The following AFG2A variants were observed in gnomAD, a reference collection of about 807,000 sequenced individuals.
AFG2A encodes the protein ATPase family gene 2 protein homolog A.
At chr4:123,030,085 C>T in the AFG2A span, among the ~76,000 whole-genome samples, 1 of 152,140 alleles carries the variant, frequency 6.6e-6, no homozygotes, top group South Asian at 2.1e-4. Context: ...ACTCTCATCT[C>T]CATTTTTTCT....
At chr4:123,314,780 G>A in the AFG2A span, 1 of 142,524 alleles carries the variant, frequency 7.0e-6, no homozygotes, top group African/African-American at 2.6e-5. Flanking sequence ...TTTTGAGACA[G>A]AGTCTCACTC....
chr4:122,965,012 A>G, the AFG2A span, among the ~76,000 whole-genome samples: 4 of 152,222 alleles, frequency 2.6e-5, no homozygotes, highest in Non-Finnish European at 4.4e-5. Flanking sequence ...CATTTTAAAA[A>G]AAGGAGACTT....
chr4:123,068,564 C>T, the AFG2A span, among the ~76,000 whole-genome samples: 1 of 152,118 alleles, frequency 6.6e-6, no homozygotes, highest in Non-Finnish European at 1.5e-5. Context: ...TACATAATAA[C>T]AGCATAGAAT....
At chr4:122,993,152 AT>A in the AFG2A span, among the ~76,000 whole-genome samples, 1 of 150,254 alleles carries the variant, frequency 6.7e-6, no homozygotes, top group Non-Finnish European at 1.5e-5. Context: ...TGCCTGGCTG[AT>A]TTTTGTGCTT....
At chr4:122,943,393 C>T in the AFG2A span, among the ~76,000 whole-genome samples, 2 of 152,148 alleles carry the variant, frequency 1.3e-5, no homozygotes, top group Non-Finnish European at 2.9e-5. Flanking sequence ...TATGTAATGG[C>T]CTTCTTTGTC....
the AFG2A span, among the ~76,000 whole-genome samples, chr4:123,225,911 T>A: frequency 6.6e-6 from 1 of 152,226 alleles, no homozygotes; most frequent in African/African-American, 2.4e-5. Flanking sequence ...TAGTTCTCCT[T>A]GAAGAGGTCC....
At chr4:123,288,592 G>A in the AFG2A span, among the ~76,000 whole-genome samples, 1 of 152,130 alleles carries the variant, frequency 6.6e-6, no homozygotes, top group South Asian at 2.1e-4. Context: ...TATCTCTACA[G>A]CTGTCTTATG....
chr4:123,268,968 A>G, the AFG2A span, among the ~76,000 whole-genome samples: 2 of 152,238 alleles, frequency 1.3e-5, no homozygotes, highest in Non-Finnish European at 2.9e-5. Context: ...AGAATAAATA[A>G]TAAGAAAGAC....
At chr4:122,961,524 G>A in the AFG2A span, among the ~76,000 whole-genome samples, 9 of 152,310 alleles carry the variant, frequency 5.9e-5, no homozygotes, top group Admixed American at 5.9e-4. Flanking sequence ...TTCTTTTTGA[G>A]ACGGAGTCTT....
chr4:123,041,089 T>C, the AFG2A span, among the ~76,000 whole-genome samples: 558 of 151,494 alleles, frequency 3.7e-3, 3 homozygotes, highest in Non-Finnish European at 5.3e-3. Flanking sequence ...TTATTACTCT[T>C]CTTTTTTATA....
At chr4:123,118,357 A>ATTATATATTATATATATATAT in the AFG2A span, among the ~76,000 whole-genome samples, 1 of 135,116 alleles carries the variant, frequency 7.4e-6, no homozygotes, top group African/African-American at 3.2e-5. Context: ...TATATATTAT[A>ATTATATATTATATATATATAT]TATATATATA....
the AFG2A span, among the ~76,000 whole-genome samples, chr4:123,053,832 T>C: frequency 2.1e-4 from 32 of 152,310 alleles, no homozygotes; most frequent in Admixed American, 5.9e-4. Context: ...GGATAGTTCC[T>C]CTACTGCACT....
chr4:123,057,284 G>GCTTTATT, the AFG2A span: 2 of 1,613,320 alleles, frequency 1.2e-6, no homozygotes, highest in Non-Finnish European at 1.7e-6. Flanking sequence ...AGTTGAAAGG[G>GCTTTATT]GCAGGTAAGA....
the AFG2A span, among the ~76,000 whole-genome samples, chr4:123,135,937 G>A: frequency 6.6e-6 from 1 of 151,996 alleles, no homozygotes; most frequent in Non-Finnish European, 1.5e-5. Context: ...GTAGCATTTT[G>A]TTTTACACTA....
chr4:122,940,790 A>G, the AFG2A span, among the ~76,000 whole-genome samples: 11 of 151,242 alleles, frequency 7.3e-5, no homozygotes, highest in Admixed American at 5.9e-4. Context: ...TCTTTAATCC[A>G]TCTTGAATTA....
chr4:123,174,081 G>A, the AFG2A span, among the ~76,000 whole-genome samples: 8 of 152,230 alleles, frequency 5.3e-5, no homozygotes, highest in African/African-American at 1.9e-4. Context: ...GTCTATGTGG[G>A]CAAATTATTA....
the AFG2A span, among the ~76,000 whole-genome samples, chr4:123,086,443 C>T: frequency 1.4e-4 from 22 of 152,134 alleles, no homozygotes; most frequent in Admixed American, 1.4e-3. Flanking sequence ...CATATGACTT[C>T]TTAAAGGTTT....
At chr4:122,973,832 G>A in the AFG2A span, among the ~76,000 whole-genome samples, 1 of 152,048 alleles carries the variant, frequency 6.6e-6, no homozygotes, top group African/African-American at 2.4e-5. Context: ...CACATGCCAC[G>A]AAGCCTGGCT....
the AFG2A span, among the ~76,000 whole-genome samples, chr4:123,125,530 A>G: frequency 6.6e-6 from 1 of 152,186 alleles, no homozygotes; most frequent in Non-Finnish European, 1.5e-5. Context: ...CAGACCAAAT[A>G]TATTAAAAGT....
Sources: gnomAD v4.1 joint callset for allele counts (sites outside exome capture counted in the v4.1 genomes callset) on GRCh38, gnomAD v4.1.1 for gene constraint, MANE v1.5 for transcripts, NCBI Gene and HGNC (gene_info 2026-07-23, HGNC 2026-07-21) for gene names.